Variants in DPYD observed in about 807,000 individuals in gnomAD.
DPYD encodes the protein dihydropyrimidine dehydrogenase.
In DPYD, 109 loss-of-function variants were observed where a neutral mutation model predicts 116.2. The observed-to-expected ratio is 0.94, with a 90% CI of 0.80 to 1.10. DPYD has a LOEUF of 1.10. DPYD is among the 50% of genes least tolerant of loss of function. DPYD has a pLI of 0.00. For missense variants in DPYD, 1,302 were observed against 1,254.5 expected, an observed-to-expected ratio of 1.04 and a Z score of -0.57; for synonymous variants, 440 against 432.0, an observed-to-expected ratio of 1.02 and a Z score of -0.23.
chr1:97,823,803 C>T (rs1669088664), intron 3 of DPYD, among the ~76,000 whole-genome samples: 1 of 150,682 alleles, frequency 6.6e-6, no homozygotes, highest in Non-Finnish European at 1.5e-5. Flanking sequence ...CATTTATTTC[C>T]CTTAGCTCTT....
intron 16 of DPYD, among the ~76,000 whole-genome samples, chr1:97,366,989 C>T (rs1211540194): frequency 6.6e-6 from 1 of 152,036 alleles, no homozygotes; most frequent in Admixed American, 6.6e-5. Context: ...CATATTGTCT[C>T]CTCCACAGAC....
chr1:97,504,203 G>T (rs1457521933), intron 13 of DPYD, among the ~76,000 whole-genome samples: 1 of 151,950 alleles, frequency 6.6e-6, no homozygotes, highest in Non-Finnish European at 1.5e-5. Context: ...CTTTATATGT[G>T]TTCCCCGCAG....
chr1:97,667,516 C>G lies in DPYD; in HGVS notation c.850+11579G>C, dbSNP rs550161028. ...GCAAATGAAAAATCATTATATACTACTTACATCCATTAGGATAGCTACTAT... is the reference window on the plus strand; with the variant it reads ...GCAAATGAAAAATCATTATATACTAGTTACATCCATTAGGATAGCTACTAT... On this transcript the variant is annotated intron_variant, in intron 8 of 22. Coordinates refer to ENST00000370192, the MANE Select transcript of DPYD (RefSeq NM_000110.4). Among the ~76,000 whole-genome samples, 14 of 152,176 alleles carry G rather than the reference C, an allele frequency of 9.2e-5. No individual in the cohort carries two copies. In the South Asian group the frequency reaches 2.9e-3, roughly 32 times the overall value.
intron 3 of DPYD, among the ~76,000 whole-genome samples, chr1:97,815,111 AG>A (rs1668534068): frequency 6.7e-6 from 1 of 150,314 alleles, no homozygotes; most frequent in African/African-American, 2.4e-5. Context: ...AGAAAAGAGA[AG>A]AGAAGAGAAA....
At chr1:97,845,525 G>A (rs1035153925) in intron 2 of DPYD, among the ~76,000 whole-genome samples, 10 of 152,156 alleles carry the variant, frequency 6.6e-5, no homozygotes, top group Admixed American at 3.3e-4. Context: ...TGGGTCTCTC[G>A]AGTACTGTTC....
intron 16 of DPYD, among the ~76,000 whole-genome samples, chr1:97,352,995 A>G (rs1357551122): frequency 6.6e-6 from 1 of 152,188 alleles, no homozygotes. Flanking sequence ...TGAAGGCAGA[A>G]ACAAGGTAAC....
intron 16 of DPYD, among the ~76,000 whole-genome samples, chr1:97,310,873 A>T (rs1667471489): frequency 6.6e-6 from 1 of 151,852 alleles, no homozygotes; most frequent in Non-Finnish European, 1.5e-5. Context: ...TGTGAGTTGA[A>T]TAAACAAAAT....
At chr1:97,197,507 A>C (rs1338181289) in intron 19 of DPYD, among the ~76,000 whole-genome samples, 1 of 152,208 alleles carries the variant, frequency 6.6e-6, no homozygotes, top group Non-Finnish European at 1.5e-5. Context: ...AAATGAATCT[A>C]GAAATACACT....
intron 1 of DPYD, among the ~76,000 whole-genome samples, chr1:97,892,562 T>TA (rs1331265322): frequency 1.3e-5 from 2 of 151,800 alleles, no homozygotes; most frequent in African/African-American, 2.4e-5. Context: ...CAATCAACCT[T>TA]AGAGTCTGAA....
chr1:97,859,606 C>T (rs975010194), intron 2 of DPYD, among the ~76,000 whole-genome samples: 1 of 152,164 alleles, frequency 6.6e-6, no homozygotes, highest in Non-Finnish European at 1.5e-5. Flanking sequence ...CCCTATGTGT[C>T]CTTCACTAGC....
At chr1:97,333,583 A>G (rs1466439779) in intron 16 of DPYD, among the ~76,000 whole-genome samples, 1 of 144,316 alleles carries the variant, frequency 6.9e-6, no homozygotes, top group Admixed American at 7.1e-5. Context: ...TGCAATGGCA[A>G]GATCTCAGCT....
chr1:97,235,717 T>A (rs1384139006), intron 18 of DPYD, among the ~76,000 whole-genome samples: 2 of 152,212 alleles, frequency 1.3e-5, no homozygotes, highest in South Asian at 4.1e-4. Context: ...AGCTATGTTA[T>A]GTTTCTTTAG....
intron 7 of DPYD, 107 bp from the exon 8 acceptor site, chr1:97,679,289 T>G (rs1660314159): frequency 1.6e-6 from 1 of 614,012 alleles, no homozygotes; most frequent in East Asian, 2.9e-5. Flanking sequence ...TCTATGAGAT[T>G]CCATATAAAA....
chr1:97,569,952 T>C (rs1280666899), intron 11 of DPYD, among the ~76,000 whole-genome samples: 1 of 151,990 alleles, frequency 6.6e-6, no homozygotes, highest in African/African-American at 2.4e-5. Flanking sequence ...TTATTATCCT[T>C]AGTGGCAACG....
intron 20 of DPYD, among the ~76,000 whole-genome samples, chr1:97,119,333 G>A (rs533813204): frequency 7.2e-5 from 11 of 152,090 alleles, no homozygotes; most frequent in African/African-American, 2.4e-4. Context: ...CGAGTGTCCC[G>A]CTTTGCAGCC....
chr1:97,433,047 T>G (rs1179789440), intron 14 of DPYD, among the ~76,000 whole-genome samples: 1 of 152,102 alleles, frequency 6.6e-6, no homozygotes, highest in Non-Finnish European at 1.5e-5. Context: ...TCACCATGGT[T>G]TTTTGTGCTT....
At chr1:97,489,576 T>A (rs1475062263) in intron 13 of DPYD, among the ~76,000 whole-genome samples, 1 of 152,170 alleles carries the variant, frequency 6.6e-6, no homozygotes, top group African/African-American at 2.4e-5. Flanking sequence ...AGCCTTGACC[T>A]ATGGTTATTG....
At chr1:97,699,690 T>C (rs1357550168) in intron 5 of DPYD, 143 bp from the exon 6 acceptor site, 12 of 811,692 alleles carry the variant, frequency 1.5e-5, no homozygotes, top group Admixed American at 2.4e-5. Context: ...CTTACAACTT[T>C]TATTGTGTCA....
At chr1:97,525,366 AAAAG>A (rs1012699874) in intron 12 of DPYD, among the ~76,000 whole-genome samples, 7 of 151,684 alleles carry the variant, frequency 4.6e-5, no homozygotes, top group Admixed American at 1.3e-4. Flanking sequence ...ATGAAAACAG[AAAAG>A]AAAGAAAGAA....
Sources: gnomAD v4.1 joint callset for allele counts (sites outside exome capture counted in the v4.1 genomes callset) on GRCh38, gnomAD v4.1.1 for gene constraint, MANE v1.5 for transcripts, NCBI Gene and HGNC (gene_info 2026-07-23, HGNC 2026-07-21) for gene names.